The following AKAP6 variants were observed in gnomAD, a reference collection of about 807,000 sequenced individuals.
AKAP6 encodes A-kinase anchor protein 6.
In AKAP6, 58 loss-of-function variants were observed where a neutral mutation model predicts 188.5. The observed-to-expected ratio is 0.31, with a 90% CI of 0.25 to 0.38. AKAP6 has a LOEUF of 0.38. AKAP6 is among the 10% of genes least tolerant of loss of function. The pLI, the probability that AKAP6 is intolerant of heterozygous loss-of-function variation, is 1.00. For synonymous variants in AKAP6, 989 were observed against 998.6 expected, an observed-to-expected ratio of 0.99 and a Z score of 0.18; for missense variants, 2,710 against 2,740.0, an observed-to-expected ratio of 0.99 and a Z score of 0.24.
rs2034876839 is a variant in AKAP6, at chr14:32,836,487, C to G, written c.*6682C>G. 1 of 152,076 alleles carries G rather than the reference C, an allele frequency of 6.6e-6. No homozygotes were observed. Among genetic ancestry groups the G allele is most frequent in the Non-Finnish European group, 1.5e-5 (1 of 68,024 alleles). The allele number at this position is 152,076 out of a possible 1,614,324, so 9.4% of individuals were successfully genotyped here. A position where few individuals can be genotyped will look rare whatever the true frequency, so the allele number is the denominator to read the frequency against. On this transcript the variant is annotated 3_prime_UTR_variant, in exon 14 of 14. Coordinates refer to ENST00000280979, the MANE Select transcript of AKAP6 (RefSeq NM_004274.5). The stretch of plus-strand genomic sequence containing the variant: ...TCAACATACCAATTTTGGGGGTACA[C>G]AAATATTGAGGTGATAGACACTTCC...
intron 2 of AKAP6, among the ~76,000 whole-genome samples, chr14:32,509,120 C>CTTTTTTT (rs368423502): frequency 0.019 from 1,792 of 94,582 alleles, 104 homozygotes; most frequent in Non-Finnish European, 0.023. Flanking sequence ...TGCCCTGCCT[C>CTTTTTTT]TTTTTTTTTT....
intron 3 of AKAP6, among the ~76,000 whole-genome samples, chr14:32,544,385 T>A (rs924785902): frequency 6.6e-6 from 1 of 152,182 alleles, no homozygotes; most frequent in African/African-American, 2.4e-5. Flanking sequence ...ACTGCATTAG[T>A]AATGGGACAA....
intron 2 of AKAP6, among the ~76,000 whole-genome samples, chr14:32,494,011 GA>G (rs911052944): frequency 7.9e-5 from 12 of 152,176 alleles, no homozygotes; most frequent in Non-Finnish European, 1.5e-4. Context: ...AAGTTTGAGA[GA>G]GTGGTAGCCA....
chr14:32,753,212 A>G (rs1484914719), intron 11 of AKAP6, among the ~76,000 whole-genome samples: 2 of 152,058 alleles, frequency 1.3e-5, no homozygotes, highest in African/African-American at 2.4e-5. Context: ...AACACTTGCT[A>G]TCTTTTCTCT....
chr14:32,696,033 C>T lies in AKAP6; in HGVS notation c.2923C>T (p.Leu975=). Residue 975 remains leucine, a synonymous_variant, in exon 9 of 14, where the codon CTG becomes TTG. Coordinates refer to ENST00000280979, the MANE Select transcript of AKAP6 (RefSeq NM_004274.5). ...DSEYQELWDW[L]IDMESLVMDS... is the part of the protein sequence containing the mutation. ...AGAATATCAGGAGCTCTGGGATTGG[C>T]TGATTGACATGGAGTCCCTTGTGAT... is the stretch of plus-strand genomic sequence containing the variant. 1 of 1,612,820 alleles carries T rather than the reference C, an allele frequency of 6.2e-7. No individual in the cohort carries two copies. The highest frequency in any genetic ancestry group is 8.5e-7 in the Non-Finnish European group (1 of 1,179,686).
chr14:32,340,225 TTAAA>T (rs772568589), intron 1 of AKAP6, among the ~76,000 whole-genome samples: 13 of 152,020 alleles, frequency 8.6e-5, no homozygotes, highest in Middle Eastern at 3.4e-3. Flanking sequence ...ATTTAATATA[TTAAA>T]TAAAACATAT....
At position 32,533,269 on chromosome 14, in the gene AKAP6, G is replaced by A. The variant is rs570109267; in HGVS notation, c.325-2285G>A. 3.9e-5 allele frequency among the ~76,000 whole-genome samples: 6 copies of A among 152,342 alleles called. No individual in the cohort carries two copies. The East Asian group carries it at 1.2e-3, about 29-fold the overall frequency. ...GGAAGAATGTAGGTAACAGCAATGA[G>A]GGAGGAAGATGGTAAGGTTTATCAG... On this transcript the variant is annotated intron_variant, in intron 2 of 13. Transcript: ENST00000280979.
intron 1 of AKAP6, among the ~76,000 whole-genome samples, chr14:32,385,745 C>G (rs1303850022): frequency 1.3e-5 from 2 of 151,084 alleles, no homozygotes; most frequent in Non-Finnish European, 2.9e-5. Context: ...TAATTCATTC[C>G]TTTTTATGGC....
intron 1 of AKAP6, among the ~76,000 whole-genome samples, chr14:32,426,519 A>G (rs181210010): frequency 1.3e-5 from 2 of 152,312 alleles, no homozygotes; most frequent in Admixed American, 6.5e-5. Flanking sequence ...AAAGGCAACA[A>G]CTGTACAAAT....
chr14:32,358,059 T>C (rs1290305056), intron 1 of AKAP6, among the ~76,000 whole-genome samples: 1 of 152,168 alleles, frequency 6.6e-6, no homozygotes, highest in Non-Finnish European at 1.5e-5. Context: ...CACTAGACCA[T>C]TGTGTCCTAC....
chr14:32,388,120 A>G (rs1462727822), intron 1 of AKAP6, among the ~76,000 whole-genome samples: 1 of 152,002 alleles, frequency 6.6e-6, no homozygotes, highest in Non-Finnish European at 1.5e-5. Context: ...TAGGTTTTCT[A>G]GTTTATGTGC....
intron 2 of AKAP6, among the ~76,000 whole-genome samples, chr14:32,454,531 C>G (rs1264792825): frequency 6.6e-6 from 1 of 152,180 alleles, no homozygotes; most frequent in Non-Finnish European, 1.5e-5. Flanking sequence ...ATGTTTTCAA[C>G]TATGAAACAG....
chr14:32,596,976 G>C (rs545587976), intron 5 of AKAP6, among the ~76,000 whole-genome samples: 29 of 152,118 alleles, frequency 1.9e-4, no homozygotes, highest in South Asian at 1.9e-3. Flanking sequence ...ATGGTTAATG[G>C]GTGCACCTGA....
At chr14:32,615,010 A>T (rs1361147834) in intron 7 of AKAP6, among the ~76,000 whole-genome samples, 2 of 151,560 alleles carry the variant, frequency 1.3e-5, no homozygotes, top group East Asian at 3.9e-4. Context: ...CTCTACTAAA[A>T]ATACAAAAAT....
chr14:32,811,594 T>G (rs1476855632), intron 12 of AKAP6, among the ~76,000 whole-genome samples: 1 of 152,210 alleles, frequency 6.6e-6, no homozygotes, highest in East Asian at 1.9e-4. Flanking sequence ...CTTGTGGGAC[T>G]GAGCCCTCTC....
At chr14:32,430,636 A>G (rs765226770) in intron 1 of AKAP6, among the ~76,000 whole-genome samples, 53 of 151,874 alleles carry the variant, frequency 3.5e-4, no homozygotes, top group Non-Finnish European at 6.6e-4. Context: ...AGTTTCAGTG[A>G]CTCTGGCTTC....
At chr14:32,410,732 C>T (rs1256190098) in intron 1 of AKAP6, among the ~76,000 whole-genome samples, 3 of 151,902 alleles carry the variant, frequency 2.0e-5, no homozygotes, top group Non-Finnish European at 4.4e-5. Flanking sequence ...AAGTAAATCT[C>T]GATTTATTGC....
intron 7 of AKAP6, among the ~76,000 whole-genome samples, chr14:32,649,722 C>T (rs1594811733): frequency 6.6e-6 from 1 of 152,122 alleles, no homozygotes; most frequent in Non-Finnish European, 1.5e-5. Flanking sequence ...AATCACTTTA[C>T]ATAATTTATG....
intron 4 of AKAP6, among the ~76,000 whole-genome samples, chr14:32,556,128 T>A (rs1019935862): frequency 6.6e-6 from 1 of 152,144 alleles, no homozygotes; most frequent in Non-Finnish European, 1.5e-5. Flanking sequence ...TAGGTTTTTT[T>A]AAACAAAAAT....
Sources: allele counts gnomAD v4.1 joint callset (sites outside exome capture counted in the v4.1 genomes callset), GRCh38; gene constraint gnomAD v4.1.1; transcripts MANE v1.5; gene names NCBI Gene and HGNC (gene_info 2026-07-23, HGNC 2026-07-21).